ZDHHC7: variants seen among roughly 807,000 people sequenced by gnomAD.
The protein encoded by ZDHHC7 is palmitoyltransferase ZDHHC7.
Under a neutral mutation model 34.1 loss-of-function variants are expected in ZDHHC7, and 12 were observed. That is an observed-to-expected ratio of 0.35 (90% CI 0.23 to 0.57). ZDHHC7 has a LOEUF of 0.57. ZDHHC7 is among the 20% of genes least tolerant of loss of function. The pLI is 0.84. For synonymous variants in ZDHHC7, 185 were observed against 155.4 expected, an observed-to-expected ratio of 1.19 and a Z score of -1.42; for missense variants, 388 against 402.7, an observed-to-expected ratio of 0.96 and a Z score of 0.31.
At chr16:85,026,857 T>C in the ZDHHC7 span, among the ~76,000 whole-genome samples, 4 of 151,978 alleles carry the variant, frequency 2.6e-5, no homozygotes, top group Non-Finnish European at 1.5e-5. Context: ...TTCAGAAAAT[T>C]TGAGGTGTCA....
chr16:85,013,780 TG>T (rs1171292453), upstream of ZDHHC7, among the ~76,000 whole-genome samples: 2 of 151,922 alleles, frequency 1.3e-5, no homozygotes, highest in Non-Finnish European at 2.9e-5. Flanking sequence ...CCTCATCTCC[TG>T]GGTTCAAGCA....
chr16:85,026,787 A>G, the ZDHHC7 span, among the ~76,000 whole-genome samples: 4 of 151,978 alleles, frequency 2.6e-5, no homozygotes, highest in Non-Finnish European at 5.9e-5. Context: ...ACAGAGCTTG[A>G]TCATTTAAGG....
At position 84,978,023 on chromosome 16, in the gene ZDHHC7, T is replaced by C. The variant is rs147446334; in HGVS notation, c.538-18A>G. ...ATATACATCTAGAATGAGGGGGAGA[T>C]TGGTTAGTCACTTTTATTTTTTATT... On this transcript the variant is annotated intron_variant, in intron 5 of 7. Coordinates refer to ENST00000313732, the MANE Select transcript of ZDHHC7 (RefSeq NM_017740.3). 3.2e-6 allele frequency: 5 copies of C among 1,574,476 alleles called. No homozygotes were observed. Among genetic ancestry groups the C allele is most frequent in the African/African-American group, 1.4e-5 (1 of 73,282 alleles).
At chr16:85,024,748 G>A in the ZDHHC7 span, among the ~76,000 whole-genome samples, 3 of 152,150 alleles carry the variant, frequency 2.0e-5, no homozygotes, top group African/African-American at 7.2e-5. Flanking sequence ...CTCCACTCAA[G>A]TAGTATGAGT....
intron 3 of ZDHHC7, among the ~76,000 whole-genome samples, chr16:84,985,822 G>T (rs1345025431): frequency 6.6e-6 from 1 of 151,900 alleles, no homozygotes; most frequent in Non-Finnish European, 1.5e-5. Context: ...GGGCATGGTG[G>T]CACATGCCTG....
intron 1 of ZDHHC7, among the ~76,000 whole-genome samples, chr16:84,996,546 A>G (rs923108866): frequency 6.6e-6 from 1 of 152,120 alleles, no homozygotes; most frequent in Non-Finnish European, 1.5e-5. Context: ...ACCCTGACAG[A>G]TGGGAGGGTC....
rs71843186 is a variant in ZDHHC7, at chr16:84,975,719, GCA to G, written c.*622_*623del. 3,188 of 152,964 alleles carry G rather than the reference GCA, an allele frequency of 0.021. 78 individuals are homozygous for G. Among genetic ancestry groups the G allele is most frequent in the African/African-American group, 0.058 (2,406 of 41,540 alleles). 9.5% of individuals were successfully genotyped at this position (152,964 alleles called of 1,614,324 possible). ...CAACACTGGCAATTTTGACACACAT[GCA>G]CACACGCGCGCACACGCACAGACAC... On this transcript the variant is annotated 3_prime_UTR_variant, in exon 8 of 8. Coordinates refer to ENST00000313732, the MANE Select transcript of ZDHHC7 (RefSeq NM_017740.3).
intron 1 of ZDHHC7, among the ~76,000 whole-genome samples, chr16:85,010,833 T>C (rs1597569745): frequency 6.6e-6 from 1 of 152,138 alleles, no homozygotes; most frequent in Non-Finnish European, 1.5e-5. Flanking sequence ...ACTAGGAAGA[T>C]GGGCAGAGAA....
the ZDHHC7 span, among the ~76,000 whole-genome samples, chr16:85,017,992 T>C: frequency 6.6e-6 from 1 of 152,124 alleles, no homozygotes; most frequent in Admixed American, 6.5e-5. Flanking sequence ...ACCTGGGTGT[T>C]CTTGGAACTG....
intron 1 of ZDHHC7, among the ~76,000 whole-genome samples, chr16:84,997,267 C>CTTTTTT (rs34612029): frequency 9.0e-6 from 1 of 111,312 alleles, no homozygotes; most frequent in Non-Finnish European, 1.7e-5. Context: ...CTAAATTTTC[C>CTTTTTT]TTTTTTTTTT....
At position 84,974,762 on chromosome 16, in the gene ZDHHC7, C is replaced by T. The variant is rs1251608138; in HGVS notation, c.*1581G>A. On this transcript the variant is annotated 3_prime_UTR_variant, in exon 8 of 8. Transcript: ENST00000313732. ...TGACGCAGCTCTTCCCCCAACGGCG[C>T]ACACGCTTCTGCGGTGACCAAGTCC... 1 of 152,726 alleles carries T rather than the reference C, an allele frequency of 6.5e-6. No homozygotes were observed. Among genetic ancestry groups the T allele is most frequent in the African/African-American group, 2.4e-5 (1 of 41,470 alleles). The allele number at this position is 152,726 out of a possible 1,614,324, so 9.5% of individuals were successfully genotyped here.
At position 84,977,103 on chromosome 16, in the gene ZDHHC7, C is replaced by G. The variant is rs1384204227; in HGVS notation, c.742G>C (p.Asp248His). ...CCGAGAACAAAGCTTACCGTCTCGT[C>G]GTTGCATATGGAGTGGATTTGGGTG... ...FGTQIHSICN[D>H]ETEIERLKSE... The change falls in exon 7 of 8, where the codon GAC becomes CAC. Residue 248 changes from aspartate to histidine, a missense_variant. Asp to His is a moderately conservative substitution (Grantham distance 81). Coordinates refer to ENST00000313732, the MANE Select transcript of ZDHHC7 (RefSeq NM_017740.3). 1 of 1,614,022 alleles carries G rather than the reference C, an allele frequency of 6.2e-7. No individual in the cohort carries two copies. Among genetic ancestry groups the G allele is most frequent in the Non-Finnish European group, 8.5e-7 (1 of 1,180,020 alleles).
chr16:84,986,052 G>C (rs2072432799), intron 3 of ZDHHC7, among the ~76,000 whole-genome samples: 1 of 151,756 alleles, frequency 6.6e-6, no homozygotes. Context: ...TGAGCTACCG[G>C]TATTGAGGTT....
In ZDHHC7 at chr16:84,978,124, G is replaced by T. The variant is rs1214689262; in HGVS notation, c.538-119C>A. Reference sequence around the variant, plus strand: ...GTAGTCTCAGCTCACTGCAACCTCCGCCTGCCAGACTCAAGCGATTCTCCT... The same window carrying T: ...GTAGTCTCAGCTCACTGCAACCTCCTCCTGCCAGACTCAAGCGATTCTCCT... On this transcript the variant is annotated intron_variant, in intron 5 of 7. Coordinates refer to ENST00000313732, the MANE Select transcript of ZDHHC7 (RefSeq NM_017740.3). 3 of 664,670 alleles carry T rather than the reference G, an allele frequency of 4.5e-6. No homozygotes were observed. In the African/African-American group the frequency reaches 5.7e-5, roughly 13 times the overall value. 41.2% of individuals were successfully genotyped at this position (664,670 alleles called of 1,614,324 possible).
chr16:84,994,424 A>G (rs942576170), intron 2 of ZDHHC7, among the ~76,000 whole-genome samples: 4 of 152,338 alleles, frequency 2.6e-5, no homozygotes, highest in Admixed American at 2.6e-4. Context: ...GACACGTTCC[A>G]TGAGAAAAGG....
At chr16:85,004,798 T>C (rs567414452) in intron 1 of ZDHHC7, 2 of 152,204 alleles carry the variant, frequency 1.3e-5, no homozygotes, top group Non-Finnish European at 2.9e-5. Flanking sequence ...GGGCGTGTGA[T>C]AAGATCTGCC....
At position 84,990,655 on chromosome 16, in the gene ZDHHC7, A is replaced by C; in HGVS notation, c.-17-20T>G. Reference sequence around the variant, plus strand: ...CGCACCCTGGGGAGGGGGACGACACAGAGCTGGTAAGGCTCAAAAAGCTCA... The same window carrying C: ...CGCACCCTGGGGAGGGGGACGACACCGAGCTGGTAAGGCTCAAAAAGCTCA... On this transcript the variant is annotated intron_variant, in intron 2 of 7. Coordinates refer to ENST00000313732, the MANE Select transcript of ZDHHC7 (RefSeq NM_017740.3). 1 of 1,590,350 alleles carries C rather than the reference A, an allele frequency of 6.3e-7. No homozygotes were observed. The highest frequency in any genetic ancestry group is 2.2e-5 in the East Asian group (1 of 44,650).
chr16:85,011,796 T>C (rs1290865535), upstream of ZDHHC7, among the ~76,000 whole-genome samples: 1 of 152,198 alleles, frequency 6.6e-6, no homozygotes, highest in Non-Finnish European at 1.5e-5. Context: ...GGGTTGGGAA[T>C]GCCCTTAGCG....
chr16:84,990,768 A>C (rs1271209239), intron 2 of ZDHHC7, 133 bp from the exon 3 acceptor site: 4 of 717,060 alleles, frequency 5.6e-6, no homozygotes, highest in Non-Finnish European at 9.0e-6. Context: ...AAGAACATAA[A>C]AACATAACTA....
Sources: allele counts gnomAD v4.1 joint callset (sites outside exome capture counted in the v4.1 genomes callset), GRCh38; gene constraint gnomAD v4.1.1; transcripts MANE v1.5; gene names NCBI Gene and HGNC (gene_info 2026-07-23, HGNC 2026-07-21).